SRPK2: variants seen among roughly 807,000 people sequenced by gnomAD.
The protein encoded by SRPK2 is SFRS protein kinase 2.
SRPK2 carries 21 observed loss-of-function variants against 90.8 expected under a neutral mutation model. That is an observed-to-expected ratio of 0.23 (90% confidence interval 0.16 to 0.33). The LOEUF is 0.33. Ranked by LOEUF, SRPK2 falls within the 10% of genes least tolerant of loss-of-function variation. The probability of loss-of-function intolerance (pLI) is 1.00; values close to 1 mark genes in which losing one functional copy is unlikely to be tolerated. For synonymous variants in SRPK2, 288 were observed against 311.1 expected, an observed-to-expected ratio of 0.93 and a Z score of 0.78; for missense variants, 620 against 869.0, an observed-to-expected ratio of 0.71 and a Z score of 3.60.
rs1459676733 is a variant in SRPK2, at chr7:105,228,790, C to A, written c.72-25005G>T. On this transcript the variant is annotated intron_variant, in intron 2 of 15. Coordinates refer to ENST00000393651, the MANE Select transcript of SRPK2 (RefSeq NM_182692.3). ...AGAGTCCCAGGCACCCTCACCTGGGCGCTGCGAGAGCTTGTTCCCGTGTTG... is the reference window on the plus strand; with the variant it reads ...AGAGTCCCAGGCACCCTCACCTGGGAGCTGCGAGAGCTTGTTCCCGTGTTG... Among the ~76,000 whole-genome samples the A allele has an allele frequency of 2.0e-5, 3 of 152,214 alleles. No individual in the cohort carries two copies. The East Asian group carries it at 5.8e-4, about 29-fold the overall frequency.
intron 2 of SRPK2, among the ~76,000 whole-genome samples, chr7:105,333,292 T>G (rs951560278): frequency 6.6e-6 from 1 of 152,234 alleles, no homozygotes; most frequent in Non-Finnish European, 1.5e-5. Flanking sequence ...TATAACAATA[T>G]AGGTTGGATA....
intron 2 of SRPK2, among the ~76,000 whole-genome samples, chr7:105,245,472 C>A (rs536796589): frequency 6.6e-6 from 1 of 152,244 alleles, no homozygotes; most frequent in African/African-American, 2.4e-5. Context: ...ATTAATGAGT[C>A]TCTTTTAGGA....
At chr7:105,265,304 A>C (rs530428089) in intron 2 of SRPK2, among the ~76,000 whole-genome samples, 2 of 152,302 alleles carry the variant, frequency 1.3e-5, no homozygotes, top group East Asian at 3.9e-4. Context: ...TATAACAACT[A>C]TTTACAGAGT....
intron 2 of SRPK2, among the ~76,000 whole-genome samples, chr7:105,331,727 T>C (rs2040914): frequency 0.63 from 95,294 of 151,998 alleles, 30,582 homozygotes; most frequent in South Asian, 0.77. Flanking sequence ...GCACAAAAAG[T>C]GTACGGAAAG....
At chr7:105,350,423 C>T (rs1363884813) in intron 2 of SRPK2, among the ~76,000 whole-genome samples, 9 of 151,194 alleles carry the variant, frequency 6.0e-5, no homozygotes, top group Admixed American at 5.3e-4. Flanking sequence ...GCCACCGCGC[C>T]TGGCCGAACA....
chr7:105,301,877 T>C, intron 2 of SRPK2: 2 of 1,591,338 alleles, frequency 1.3e-6, no homozygotes, highest in Non-Finnish European at 1.7e-6. Flanking sequence ...TCCCATTAAT[T>C]CCACAACATC....
intron 15 of SRPK2, among the ~76,000 whole-genome samples, chr7:105,124,311 C>T (rs1350286115): frequency 6.6e-6 from 1 of 152,172 alleles, no homozygotes; most frequent in African/African-American, 2.4e-5. Flanking sequence ...AGTATGGAGT[C>T]CTCGATCCCC....
chr7:105,395,206 G>A (rs1459230397), intron 1 of SRPK2, among the ~76,000 whole-genome samples: 3 of 151,908 alleles, frequency 2.0e-5, no homozygotes, highest in East Asian at 1.9e-4. Flanking sequence ...AAAACAGAAA[G>A]TGACTGGATG....
rs184028985 is a variant in SRPK2 at position 105,309,723 on chromosome 7, A to G, written c.71+78925T>C. Among the ~76,000 whole-genome samples the G allele has an allele frequency of 1.9e-3, 296 of 152,312 alleles. 3 individuals carry two copies. Among genetic ancestry groups the G allele is most frequent in the African/African-American group, 6.9e-3 (286 of 41,558 alleles). On this transcript the variant is annotated intron_variant, in intron 2 of 15. Coordinates refer to ENST00000393651, the MANE Select transcript of SRPK2 (RefSeq NM_182692.3). The stretch of plus-strand genomic sequence containing the variant: ...TTTCATGTAAAATATCTCCAATTTT[A>G]AAGCACTGTCAACCACATGATCACA...
chr7:105,367,104 C>T (rs1286874548), intron 2 of SRPK2, among the ~76,000 whole-genome samples: 1 of 148,740 alleles, frequency 6.7e-6, no homozygotes, highest in African/African-American at 2.5e-5. Flanking sequence ...TTAGGATAGT[C>T]TCGAACTCCT....
intron 3 of SRPK2, among the ~76,000 whole-genome samples, chr7:105,188,530 A>G (rs958156154): frequency 2.6e-5 from 4 of 152,224 alleles, no homozygotes; most frequent in Non-Finnish European, 5.9e-5. Flanking sequence ...AAAAAATAGC[A>G]TGTTTTCAAT....
intron 2 of SRPK2, among the ~76,000 whole-genome samples, chr7:105,351,033 A>G (rs1817111020): frequency 6.6e-6 from 1 of 152,122 alleles, no homozygotes; most frequent in Non-Finnish European, 1.5e-5. Flanking sequence ...TTAATCCCCA[A>G]TGTGGGTATT....
chr7:105,178,072 A>AT (rs1391711957), intron 3 of SRPK2, among the ~76,000 whole-genome samples: 1 of 151,954 alleles, frequency 6.6e-6, no homozygotes, highest in Non-Finnish European at 1.5e-5. Flanking sequence ...TCTTCCTAAG[A>AT]TTTGACAGTC....
intron 2 of SRPK2, among the ~76,000 whole-genome samples, chr7:105,282,451 AAAG>A (rs1807469425): frequency 6.6e-6 from 1 of 152,238 alleles, no homozygotes. Flanking sequence ...ACAAGGAATA[AAAG>A]AATAGATAAA....
At chr7:105,181,128 C>G (rs1792732811) in intron 3 of SRPK2, among the ~76,000 whole-genome samples, 1 of 152,100 alleles carries the variant, frequency 6.6e-6, no homozygotes, top group Admixed American at 6.5e-5. Context: ...TGCTCAACAT[C>G]ACTAATCATT....
At chr7:105,183,842 G>A (rs551189744) in intron 3 of SRPK2, among the ~76,000 whole-genome samples, 1 of 152,248 alleles carries the variant, frequency 6.6e-6, no homozygotes, top group Non-Finnish European at 1.5e-5. Context: ...TGTAATTTGG[G>A]AAACAAGCTG....
chr7:105,272,386 C>T (rs886363526), intron 2 of SRPK2, among the ~76,000 whole-genome samples: 1 of 152,214 alleles, frequency 6.6e-6, no homozygotes, highest in Non-Finnish European at 1.5e-5. Context: ...ACACAGAAAA[C>T]AGGCAAGCAG....
chr7:105,355,664 T>A (rs147735644), intron 2 of SRPK2, among the ~76,000 whole-genome samples: 7 of 151,952 alleles, frequency 4.6e-5, no homozygotes, highest in African/African-American at 1.2e-4. Flanking sequence ...AAAAAAGTGA[T>A]AGAAAATCCA....
At chr7:105,287,935 T>C (rs1405202861) in intron 2 of SRPK2, among the ~76,000 whole-genome samples, 2 of 152,206 alleles carry the variant, frequency 1.3e-5, no homozygotes, top group African/African-American at 4.8e-5. Context: ...ATGCCTTTTG[T>C]GGTTATATGG....
Sources: allele counts gnomAD v4.1 joint callset (sites outside exome capture counted in the v4.1 genomes callset), GRCh38; gene constraint gnomAD v4.1.1; transcripts MANE v1.5; gene names NCBI Gene and HGNC (gene_info 2026-07-23, HGNC 2026-07-21).